The following POR variants were observed in gnomAD, a reference collection of about 807,000 sequenced individuals.
The protein encoded by POR is cytochrome p450 oxidoreductase.
In POR, 56 loss-of-function variants were observed where a neutral mutation model predicts 84.0. The ratio of observed to expected loss-of-function variants is 0.67; its 90% CI spans 0.54 to 0.83. The LOEUF is 0.83. Ranked by LOEUF, POR falls within the 40% of genes least tolerant of loss-of-function variation. The pLI, the probability that POR is intolerant of heterozygous loss-of-function variation, is 0.00. For missense variants in POR, 938 were observed against 944.3 expected (o/e 0.99, Z 0.09); for synonymous variants, 414 against 400.5 (o/e 1.03, Z -0.40).
intron 1 of POR, among the ~76,000 whole-genome samples, chr7:75,934,122 AGTGT>A (rs58236447): frequency 0.19 from 23,626 of 126,456 alleles, 1,968 homozygotes; most frequent in African/African-American, 0.24. Flanking sequence ...AAGACCTCAG[AGTGT>A]GTGTGTGTGT....
chr7:75,977,431 A>T (rs963288039), intron 3 of POR, among the ~76,000 whole-genome samples: 1 of 152,210 alleles, frequency 6.6e-6, no homozygotes, highest in South Asian at 2.1e-4. Context: ...ACATCACATA[A>T]GCCAGTAGCC....
At chr7:75,982,696 A>T (rs1554558300) in intron 8 of POR, among the ~76,000 whole-genome samples, 2 of 152,212 alleles carry the variant, frequency 1.3e-5, no homozygotes, top group South Asian at 2.1e-4. Flanking sequence ...TGTGCCCTTG[A>T]TGGCCCCTGG....
intron 3 of POR, among the ~76,000 whole-genome samples, chr7:75,974,113 G>A (rs949058179): frequency 2.0e-5 from 3 of 152,078 alleles, no homozygotes; most frequent in Non-Finnish European, 4.4e-5. Context: ...TCACTGTAAC[G>A]CACTTAACCC....
chr7:75,975,400 G>A (rs1396233943), intron 3 of POR, among the ~76,000 whole-genome samples: 2 of 152,174 alleles, frequency 1.3e-5, no homozygotes, highest in African/African-American at 4.8e-5. Flanking sequence ...AACACTTTGG[G>A]AGGCCGAGAT....
intron 1 of POR, among the ~76,000 whole-genome samples, chr7:75,945,123 A>C (rs1299476732): frequency 6.6e-6 from 1 of 152,060 alleles, no homozygotes; most frequent in African/African-American, 2.4e-5. Flanking sequence ...TCTACTAAAA[A>C]TACAAAAATT....
At chr7:75,980,636 G>A (rs1408191285) in intron 5 of POR, 148 bp downstream of exon 5, 1 of 1,568,568 alleles carries the variant, frequency 6.4e-7, no homozygotes, top group African/African-American at 1.4e-5. Flanking sequence ...CCTCTCCTCT[G>A]CCCCAGACCC....
At chr7:75,981,248 C>A in intron 6 of POR, 76 bp downstream of exon 6, 1 of 1,463,006 alleles carries the variant, frequency 6.8e-7, no homozygotes, top group Non-Finnish European at 9.1e-7. Context: ...GGCGCGCACA[C>A]CATTGTGTCA....
chr7:75,955,094 G>C (rs1787627299), intron 2 of POR, among the ~76,000 whole-genome samples: 1 of 152,104 alleles, frequency 6.6e-6, no homozygotes, highest in Admixed American at 6.6e-5. Context: ...CGCACACCTT[G>C]GTCTCCCAGA....
At chr7:75,918,072 C>A (rs1054402904) in intron 1 of POR, among the ~76,000 whole-genome samples, 2 of 152,062 alleles carry the variant, frequency 1.3e-5, no homozygotes, top group Admixed American at 1.3e-4. Context: ...TTTGGGAGGC[C>A]GAGGCAGGCA....
chr7:75,967,904 G>A (rs376283426), intron 2 of POR: 12 of 374,720 alleles, frequency 3.2e-5, no homozygotes, highest in East Asian at 2.2e-4. Context: ...GGGAAATTCC[G>A]AGAGGACTTT....
intron 12 of POR, 117 bp from the exon 13 acceptor site, chr7:75,985,462 C>A: frequency 7.7e-7 from 1 of 1,302,434 alleles, no homozygotes; most frequent in Non-Finnish European, 1.0e-6. Flanking sequence ...GGTTTGGGTG[C>A]CAGGTGGGCT....
intron 10 of POR, 113 bp from the exon 11 acceptor site, chr7:75,984,664 C>A: frequency 1.1e-6 from 1 of 930,656 alleles, no homozygotes; most frequent in East Asian, 2.5e-5. Flanking sequence ...CCAGCACCAG[C>A]TGGGGCACCT....
Position 75,986,192 on chromosome 7 carries a change from G to A in POR, c.1849G>A (p.Glu617Lys), listed in dbSNP as rs771477130. Residue 617 changes from glutamate to lysine, a missense_variant, in exon 15 of 16, where the codon GAG (glutamate) becomes AAG (lysine). Transcript: ENST00000461988. ...CCAGCACCTGCTAAAGCAAGACCGA[G>A]AGCACCTGTGGAAGTTGATCGAAGG... 1 of 1,612,510 alleles carries A rather than the reference G, an allele frequency of 6.2e-7. No individual in the cohort carries two copies. The highest frequency in any genetic ancestry group is 8.5e-7 in the Non-Finnish European group (1 of 1,179,722).
intron 8 of POR, chr7:75,983,225 C>T (rs1563432459): frequency 3.3e-6 from 1 of 306,086 alleles, no homozygotes. Flanking sequence ...CCTGTAATTC[C>T]AGCTGCTCAG....
At chr7:75,949,726 G>T in intron 1 of POR, among the ~76,000 whole-genome samples, 1 of 151,668 alleles carries the variant, frequency 6.6e-6, no homozygotes, top group East Asian at 1.9e-4. Flanking sequence ...CACCATGTTG[G>T]CCAGGCTGGT....
chr7:75,961,274 TAAA>T (rs34683650), intron 2 of POR, among the ~76,000 whole-genome samples: 49,511 of 141,222 alleles, frequency 0.35, 8,497 homozygotes, highest in Middle Eastern at 0.48. Context: ...ACAGCTTCTT[TAAA>T]AAAAAAAAAA....
intron 4 of POR, 33 bp downstream of exon 4, chr7:75,979,612 A>G: frequency 6.2e-7 from 1 of 1,610,152 alleles, no homozygotes; most frequent in Non-Finnish European, 8.5e-7. Flanking sequence ...CCCCAGATGG[A>G]GGCAGTGGGT....
intron 8 of POR, 32 bp from the exon 9 acceptor site, chr7:75,983,488 C>A: frequency 6.6e-7 from 1 of 1,506,580 alleles, no homozygotes; most frequent in East Asian, 2.3e-5. Context: ...AAAGCCCCGG[C>A]CGCTCACTGT....
intron 3 of POR, among the ~76,000 whole-genome samples, chr7:75,977,793 A>G (rs1788764322): frequency 6.6e-6 from 1 of 152,214 alleles, no homozygotes; most frequent in African/African-American, 2.4e-5. Context: ...CAAAAATAAA[A>G]AAAAGAAAAG....
Sources: allele counts gnomAD v4.1 joint callset (sites outside exome capture counted in the v4.1 genomes callset), GRCh38; gene constraint gnomAD v4.1.1; transcripts MANE v1.5; gene names NCBI Gene and HGNC (gene_info 2026-07-23, HGNC 2026-07-21).